Variants in SUGCT observed in about 807,000 individuals in gnomAD.
SUGCT encodes the protein succinyl-CoA:glutarate-CoA transferase, also known as succinyl-CoA:glutarate CoA-transferase.
Under a neutral mutation model 55.0 loss-of-function variants are expected in SUGCT, and 41 were observed. The ratio of observed to expected loss-of-function variants is 0.74; its 90% CI spans 0.58 to 0.97. SUGCT has a LOEUF of 0.97. Ranked by LOEUF, SUGCT falls within the 50% of genes least tolerant of loss-of-function variation. SUGCT has a pLI of 0.00. For synonymous variants in SUGCT, 187 were observed against 200.4 expected, an observed-to-expected ratio of 0.93 and a Z score of 0.56; for missense variants, 568 against 547.8, an observed-to-expected ratio of 1.04 and a Z score of -0.37.
intron 9 of SUGCT, among the ~76,000 whole-genome samples, chr7:40,422,146 A>G (rs561853327): frequency 1.8e-4 from 26 of 146,948 alleles, no homozygotes; most frequent in South Asian, 8.5e-4. Flanking sequence ...AGGCTTCTAA[A>G]TCAGTCTTAA....
At chr7:40,461,721 G>A (rs1232171687) in intron 11 of SUGCT, among the ~76,000 whole-genome samples, 1 of 152,158 alleles carries the variant, frequency 6.6e-6, no homozygotes, top group Non-Finnish European at 1.5e-5. Context: ...GAACTTGCAG[G>A]CATTTTATTT....
the SUGCT span, among the ~76,000 whole-genome samples, chr7:40,936,649 G>C: frequency 2.0e-5 from 3 of 150,892 alleles, no homozygotes; most frequent in African/African-American, 7.3e-5. Flanking sequence ...TTTGTGTTTA[G>C]TTAGCTTTTT....
intron 1 of SUGCT, among the ~76,000 whole-genome samples, chr7:40,179,061 A>G (rs779061256): frequency 9.2e-5 from 14 of 152,132 alleles, no homozygotes; most frequent in Admixed American, 1.3e-4. Context: ...TGTGAGCTGC[A>G]GAAAGAAGTT....
chr7:40,444,631 G>A (rs1043045385), intron 9 of SUGCT, among the ~76,000 whole-genome samples: 2 of 152,194 alleles, frequency 1.3e-5, no homozygotes, highest in Middle Eastern at 3.4e-3. Flanking sequence ...GGGCTGAGAC[G>A]ATGGGGTTTT....
At chr7:40,949,954 C>T in the SUGCT span, among the ~76,000 whole-genome samples, 2 of 152,038 alleles carry the variant, frequency 1.3e-5, no homozygotes, top group Non-Finnish European at 2.9e-5. Context: ...TTTTTGGTAC[C>T]ATATGAACTT....
At chr7:40,867,793 T>A in the SUGCT span, among the ~76,000 whole-genome samples, 1 of 152,238 alleles carries the variant, frequency 6.6e-6, no homozygotes, top group Non-Finnish European at 1.5e-5. Context: ...GTTCGCTGCA[T>A]GTTGTTTGCT....
chr7:40,661,075 A>C (rs1418588231), intron 12 of SUGCT, among the ~76,000 whole-genome samples: 1 of 152,198 alleles, frequency 6.6e-6, no homozygotes, highest in Admixed American at 6.5e-5. Context: ...TTTACAACCA[A>C]AAGTGTGAAA....
At chr7:40,317,907 A>C (rs1795525904) in intron 9 of SUGCT, among the ~76,000 whole-genome samples, 1 of 152,148 alleles carries the variant, frequency 6.6e-6, no homozygotes, top group South Asian at 2.1e-4. Flanking sequence ...ACTGCTTTTC[A>C]ACACATTGAG....
intron 6 of SUGCT, among the ~76,000 whole-genome samples, chr7:40,218,153 C>T (rs1033812692): frequency 6.6e-6 from 1 of 152,126 alleles, no homozygotes; most frequent in Non-Finnish European, 1.5e-5. Flanking sequence ...GCAGAGGCTG[C>T]CGTGAGCTGA....
chr7:40,636,680 A>C (rs981190217), intron 12 of SUGCT, among the ~76,000 whole-genome samples: 1 of 152,286 alleles, frequency 6.6e-6, no homozygotes, highest in Admixed American at 6.5e-5. Flanking sequence ...TGGGATGATG[A>C]AAAAGTTCTG....
the SUGCT span, among the ~76,000 whole-genome samples, chr7:40,904,209 C>T: frequency 6.6e-6 from 1 of 152,160 alleles, no homozygotes; most frequent in Non-Finnish European, 1.5e-5. Flanking sequence ...ACTGAGTTTG[C>T]ACCATCAGAA....
intron 12 of SUGCT, among the ~76,000 whole-genome samples, chr7:40,740,630 A>G (rs1401190924): frequency 2.6e-5 from 4 of 151,488 alleles, no homozygotes; most frequent in East Asian, 1.9e-4. Context: ...GTATTTCACC[A>G]TTAAGTATGA....
chr7:40,926,090 G>T, the SUGCT span, among the ~76,000 whole-genome samples: 1 of 151,498 alleles, frequency 6.6e-6, no homozygotes, highest in Non-Finnish European at 1.5e-5. Context: ...GACAGAGCAA[G>T]TTCCTGTTTA....
intron 9 of SUGCT, among the ~76,000 whole-genome samples, chr7:40,419,493 T>C (rs995443148): frequency 6.6e-6 from 1 of 152,216 alleles, no homozygotes; most frequent in Non-Finnish European, 1.5e-5. Context: ...TTTCCTCATT[T>C]ATTTATTTCT....
chr7:40,975,541 T>G, the SUGCT span, among the ~76,000 whole-genome samples: 2 of 152,236 alleles, frequency 1.3e-5, no homozygotes, highest in African/African-American at 4.8e-5. Context: ...AGGCTGTCCC[T>G]CTGATCCTTT....
chr7:40,830,069 A>G (rs1221443425), intron 13 of SUGCT, among the ~76,000 whole-genome samples: 1 of 152,022 alleles, frequency 6.6e-6, no homozygotes, highest in Non-Finnish European at 1.5e-5. Context: ...TCATGAGCAC[A>G]CCCAATTGGC....
intron 1 of SUGCT, among the ~76,000 whole-genome samples, chr7:40,137,958 A>T (rs1379494459): frequency 6.6e-6 from 1 of 152,218 alleles, no homozygotes; most frequent in Non-Finnish European, 1.5e-5. Context: ...CTGGGATTAC[A>T]GGCATGAGCC....
chr7:40,959,081 C>T, the SUGCT span, among the ~76,000 whole-genome samples: 19 of 152,298 alleles, frequency 1.2e-4, no homozygotes, highest in African/African-American at 4.6e-4. Flanking sequence ...AGCCAGAGCT[C>T]TCCTGTATGA....
the SUGCT span, among the ~76,000 whole-genome samples, chr7:41,033,199 G>T: frequency 1.3e-5 from 2 of 152,180 alleles, no homozygotes; most frequent in Non-Finnish European, 2.9e-5. Context: ...TCTCATTGAG[G>T]GGACATCTGA....
Sources: allele counts gnomAD v4.1 joint callset (sites outside exome capture counted in the v4.1 genomes callset), GRCh38; gene constraint gnomAD v4.1.1; transcripts MANE v1.5; gene names NCBI Gene and HGNC (gene_info 2026-07-23, HGNC 2026-07-21).